ABHD2: variants seen among roughly 807,000 people sequenced by gnomAD.
The protein encoded by ABHD2 is monoacylglycerol lipase ABHD2.
In ABHD2, 20 loss-of-function variants were observed where a neutral mutation model predicts 48.1. That is an observed-to-expected ratio of 0.42 (90% confidence interval 0.29 to 0.60). ABHD2 has a LOEUF of 0.60. Among genes scored for constraint, ABHD2 ranks in the 20% least tolerant of loss-of-function variants. The probability of loss-of-function intolerance (pLI) is 0.24; values close to 1 mark genes in which losing one functional copy is unlikely to be tolerated. For synonymous variants in ABHD2, 209 were observed against 214.2 expected (o/e 0.98, Z 0.21); for missense variants, 405 against 550.9 (o/e 0.74, Z 2.65).
chr15:89,113,991 A>G (rs565161824), intron 2 of ABHD2, among the ~76,000 whole-genome samples, 167 bp downstream of exon 2: 6 of 152,376 alleles, frequency 3.9e-5, no homozygotes, highest in Non-Finnish European at 8.8e-5. Context: ...TCTGTTTCCA[A>G]CAAAGGTGAT....
rs1352299283 is a variant in ABHD2, at chr15:89,188,085, T to C, written c.816-108T>C. ...AAAGGCTAAAGGTTCTATTTCTAAC[T>C]GACCACGTTGGCTCTCCCTCCTGGC... is the stretch of plus-strand genomic sequence containing the variant. On this transcript the variant is annotated intron_variant, in intron 7 of 10. Transcript: ENST00000352732. The surrounding 1 kb of genome is among the most constrained non-coding windows in gnomAD (Gnocchi z 4.1). The C allele has an allele frequency of 4.9e-6, 4 of 816,566 alleles. No individual in the cohort carries two copies. Among genetic ancestry groups the C allele is most frequent in the Non-Finnish European group, 8.2e-6 (4 of 488,838 alleles). The allele number at this position is 816,566 out of a possible 1,614,324, so 50.6% of individuals were successfully genotyped here.
In ABHD2 at chr15:89,155,429, A is replaced by G; in HGVS notation, c.433A>G (p.Thr145Ala). ...TCACAGCGAGAAGCAATACATCCGC[A>G]CTTTCGTTGACTACGCCCAGAAAAA... ...ANHSEKQYIR[T>A]FVDYAQKNGY... The change falls in exon 5 of 11, where the codon ACT becomes GCT. Residue 145 changes from threonine to alanine, a missense_variant. By Grantham distance (58) the Thr-to-Ala change is moderately conservative. Transcript: ENST00000352732. This position sits in a 1 kb window ranked among gnomAD's most constrained non-coding sequence, Gnocchi z 4.9. 6.2e-7 allele frequency: 1 copy of G among 1,614,142 alleles called. No homozygotes were observed. Among genetic ancestry groups the G allele is most frequent in the Non-Finnish European group, 8.5e-7 (1 of 1,180,014 alleles).
the ABHD2 span, among the ~76,000 whole-genome samples, chr15:89,053,823 C>T: frequency 6.6e-6 from 1 of 152,214 alleles, no homozygotes; most frequent in Admixed American, 6.5e-5. Flanking sequence ...GTGCTCACAT[C>T]TTTGCTTCTA....
At chr15:89,068,783 T>TTTTTTTTTTG in the ABHD2 span, among the ~76,000 whole-genome samples, 1 of 91,818 alleles carries the variant, frequency 1.1e-5, no homozygotes, top group South Asian at 4.1e-4. Context: ...TTTTTTTTTT[T>TTTTTTTTTTG]GTCAAGAGGG....
chr15:89,186,616 C>G lies in ABHD2; in HGVS notation c.815+1100C>G, dbSNP rs2051214654. Reference sequence around the variant, plus strand: ...ACTCATCCATGCCCAAGTTGCTTTTCTTTTGCTTCCCCTCTGTAAATCCTA... The same window carrying G: ...ACTCATCCATGCCCAAGTTGCTTTTGTTTTGCTTCCCCTCTGTAAATCCTA... On this transcript the variant is annotated intron_variant, in intron 7 of 10. Coordinates refer to ENST00000352732, the MANE Select transcript of ABHD2 (RefSeq NM_152924.5). This position sits in a 1 kb window ranked among gnomAD's most constrained non-coding sequence, Gnocchi z 4.3. Among the ~76,000 whole-genome samples the G allele has an allele frequency of 6.6e-6, 1 of 152,136 alleles. No homozygotes were observed. The highest frequency in any genetic ancestry group is 1.5e-5 in the Non-Finnish European group (1 of 68,022).
At chr15:89,078,364 A>T in the ABHD2 span, among the ~76,000 whole-genome samples, 1 of 152,224 alleles carries the variant, frequency 6.6e-6, no homozygotes, top group Non-Finnish European at 1.5e-5. Context: ...AAAGAAAATA[A>T]AGCCTTGGGA....
rs955351053 is a variant in ABHD2, at chr15:89,189,349, C to T, written c.926+1046C>T. 6.6e-6 allele frequency among the ~76,000 whole-genome samples: 1 copy of T among 151,300 alleles called. No individual in the cohort carries two copies. Among genetic ancestry groups the T allele is most frequent in the Non-Finnish European group, 1.5e-5 (1 of 67,890 alleles). On this transcript the variant is annotated intron_variant, in intron 8 of 10. Coordinates refer to ENST00000352732, the MANE Select transcript of ABHD2 (RefSeq NM_152924.5). The surrounding 1 kb of genome is among the most constrained non-coding windows in gnomAD (Gnocchi z 4.9). ...AAAAAAATTGAAAAATAAAAATAGC[C>T]GGGCATAGTGGCACACACCTGTAGT...
At chr15:89,049,296 G>A in the ABHD2 span, among the ~76,000 whole-genome samples, 4 of 152,234 alleles carry the variant, frequency 2.6e-5, no homozygotes, top group African/African-American at 9.6e-5. Context: ...CTTCAAAGCT[G>A]TCAGACAGGG....
chr15:89,082,198 T>C, the ABHD2 span, among the ~76,000 whole-genome samples: 1 of 152,172 alleles, frequency 6.6e-6, no homozygotes, highest in East Asian at 1.9e-4. This position sits in a 1 kb window ranked among gnomAD's most constrained non-coding sequence, Gnocchi z 4.4. Context: ...GGTATTTAAT[T>C]TTAAAAGTTG....
rs984129034 is a variant in ABHD2 at position 89,201,600 on chromosome 15, A to G, written c.*6177A>G. ...AACAGTCACAGTTGACCCTGGGTCA[A>G]TAATTCCACTGTTGGGCCTCACACA... is the stretch of plus-strand genomic sequence containing the variant. On this transcript the variant is annotated 3_prime_UTR_variant, in exon 11 of 11. Coordinates refer to ENST00000352732, the MANE Select transcript of ABHD2 (RefSeq NM_152924.5). 3.1e-5 allele frequency: 49 copies of G among 1,594,868 alleles called. No homozygotes were observed. Among genetic ancestry groups the G allele is most frequent in the South Asian group, 5.5e-5 (5 of 90,680 alleles).
chr15:89,063,833 T>G, the ABHD2 span, among the ~76,000 whole-genome samples: 1 of 152,068 alleles, frequency 6.6e-6, no homozygotes, highest in African/African-American at 2.4e-5. Context: ...TGGAAGACAA[T>G]TTTTCCACGG....
intron 3 of ABHD2, among the ~76,000 whole-genome samples, chr15:89,129,638 G>A (rs1006105078): frequency 3.9e-5 from 6 of 152,076 alleles, no homozygotes; most frequent in Non-Finnish European, 8.8e-5. Flanking sequence ...GTTGCCCCCC[G>A]GGAATCCAGA....
chr15:89,131,471 G>T (rs982616380), intron 3 of ABHD2, among the ~76,000 whole-genome samples: 3 of 152,172 alleles, frequency 2.0e-5, no homozygotes, highest in African/African-American at 7.2e-5. Context: ...CAGCAGAGAG[G>T]TGAAGGGGCA....
the ABHD2 span, among the ~76,000 whole-genome samples, chr15:89,053,414 C>T: frequency 6.6e-6 from 1 of 152,144 alleles, no homozygotes; most frequent in Non-Finnish European, 1.5e-5. Context: ...ATAATCTCAC[C>T]ACCCTAGTAG....
Position 89,088,821 on chromosome 15 carries a change from G to A in ABHD2, c.-107+258G>A, listed in dbSNP as rs1169188743. On this transcript the variant is annotated intron_variant, in intron 1 of 10. Coordinates refer to ENST00000352732, the MANE Select transcript of ABHD2 (RefSeq NM_152924.5). The surrounding 1 kb of genome is among the most constrained non-coding windows in gnomAD (Gnocchi z 6.8). ...CCTTCTGCCCGAGGAACCGAGGTTG[G>A]GGACAACCCCGACCGCGGCCTTTCC... 6.6e-6 allele frequency among the ~76,000 whole-genome samples: 1 copy of A among 152,240 alleles called. No individual in the cohort carries two copies. The highest frequency in any genetic ancestry group is 6.5e-5 in the Admixed American group (1 of 15,292).
In ABHD2 at chr15:89,137,387, C is replaced by T. The variant is rs2050332446; in HGVS notation, c.195-14290C>T. Among the ~76,000 whole-genome samples, 2 of 152,088 alleles carry T rather than the reference C, an allele frequency of 1.3e-5. No individual in the cohort carries two copies. Among genetic ancestry groups the T allele is most frequent in the African/African-American group, 4.8e-5 (2 of 41,428 alleles). On this transcript the variant is annotated intron_variant, in intron 3 of 10. Transcript: ENST00000352732. The surrounding 1 kb of genome is among the most constrained non-coding windows in gnomAD (Gnocchi z 4.8). ...ACTTTAGAAAAGCACATTTATTTTT[C>T]CTTGGAGCAAAAAAGTAGTTTCTTT...
In ABHD2 at chr15:89,146,320, C is replaced by T. The variant is rs112417136; in HGVS notation, c.195-5357C>T. Among the ~76,000 whole-genome samples, 88 of 147,128 alleles carry T rather than the reference C, an allele frequency of 6.0e-4. No homozygotes were observed. Among genetic ancestry groups the T allele is most frequent in the African/African-American group, 2.1e-3 (85 of 39,772 alleles). The stretch of plus-strand genomic sequence containing the variant: ...CTCTCTTTTTAAAACACCAGCTGTC[C>T]GTGCCTATGTGAGCTTCATCTGCTC... On this transcript the variant is annotated intron_variant, in intron 3 of 10. Transcript: ENST00000352732. The surrounding 1 kb of genome is among the most constrained non-coding windows in gnomAD (Gnocchi z 4.2).
At chr15:89,047,401 T>C in the ABHD2 span, among the ~76,000 whole-genome samples, 1 of 152,158 alleles carries the variant, frequency 6.6e-6, no homozygotes, top group East Asian at 1.9e-4. Flanking sequence ...GTTCTGTAGA[T>C]ATCTATTAGG....
rs2050961730 is a variant in ABHD2, at chr15:89,173,495, C to T, written c.539-2317C>T. 6.6e-6 allele frequency among the ~76,000 whole-genome samples: 1 copy of T among 152,234 alleles called. No homozygotes were observed. Among genetic ancestry groups the T allele is most frequent in the Non-Finnish European group, 1.5e-5 (1 of 68,040 alleles). Reference sequence around the variant, plus strand: ...GGCTGAGGCAGGAGGATCGCTTGAACCTGAGAGGCAGAGGTTGTAGTGAGC... The same window carrying T: ...GGCTGAGGCAGGAGGATCGCTTGAATCTGAGAGGCAGAGGTTGTAGTGAGC... On this transcript the variant is annotated intron_variant, in intron 5 of 10. Transcript: ENST00000352732. This position sits in a 1 kb window ranked among gnomAD's most constrained non-coding sequence, Gnocchi z 6.5.
Sources: allele counts gnomAD v4.1 joint callset (sites outside exome capture counted in the v4.1 genomes callset), GRCh38; gene constraint gnomAD v4.1.1; non-coding constraint Gnocchi (gnomAD v3.1); transcripts MANE v1.5; gene names NCBI Gene and HGNC (gene_info 2026-07-23, HGNC 2026-07-21).